Variants in ITGA3 observed in about 807,000 individuals in gnomAD.
ITGA3 encodes integrin alpha-3.
ITGA3 carries 70 observed loss-of-function variants against 131.1 expected under a neutral mutation model. That is an observed-to-expected ratio of 0.53 (90% confidence interval 0.44 to 0.65). The LOEUF (loss-of-function observed/expected upper bound fraction) is 0.65. Ranked by LOEUF, ITGA3 falls within the 30% of genes least tolerant of loss-of-function variation. The pLI, the probability that ITGA3 is intolerant of heterozygous loss-of-function variation, is 0.00. For missense variants in ITGA3, 1,098 were observed against 1,388.6 expected (o/e 0.79, Z 3.33); for synonymous variants, 537 against 571.6 (o/e 0.94, Z 0.86).
chr17:50,073,913 C>T lies in ITGA3; in HGVS notation c.1157-3C>T, dbSNP rs778115417. 6.2e-7 allele frequency: 1 copy of T among 1,613,306 alleles called. No individual in the cohort carries two copies. The highest frequency in any genetic ancestry group is 1.7e-5 in the Admixed American group (1 of 60,020). ...TGACCCTGTCTTGCCTTTTCTTCTGCAGATATTGCTGTGGGAGCTCCGTTT... is the reference window on the plus strand; with the variant it reads ...TGACCCTGTCTTGCCTTTTCTTCTGTAGATATTGCTGTGGGAGCTCCGTTT... On this transcript the variant is annotated splice_region_variant and splice_polypyrimidine_tract_variant and intron_variant, in intron 7 of 25. Coordinates refer to ENST00000320031, the MANE Select transcript of ITGA3 (RefSeq NM_002204.4).
Position 50,064,779 on chromosome 17 carries a change from AG to A in ITGA3, c.414+177del. ...TCCCTCGCTCTCTGCACTCCTGGGG[AG>A]GGGGTGAGTATCCTGTGCTCTCCCA... On this transcript the variant is annotated intron_variant, in intron 3 of 25. Transcript: ENST00000320031. This position sits in a 1 kb window ranked among gnomAD's most constrained non-coding sequence, Gnocchi z 4.4. 1.7e-6 allele frequency: 1 copy of A among 580,048 alleles called. No homozygotes were observed. Among genetic ancestry groups the A allele is most frequent in the Non-Finnish European group, 3.0e-6 (1 of 329,532 alleles). 35.9% of individuals were successfully genotyped at this position (580,048 alleles called of 1,614,324 possible).
At chr17:50,071,667 C>A (rs892666228) in intron 6 of ITGA3, 149 bp downstream of exon 6, 11 of 722,598 alleles carry the variant, frequency 1.5e-5, no homozygotes, top group Non-Finnish European at 2.5e-5. Context: ...TTATGGGAGT[C>A]TGAGCACCTG....
rs117636029 is a variant in ITGA3, at chr17:50,090,374, G to A, written c.*1296G>A. 353 of 388,050 alleles carry A rather than the reference G, an allele frequency of 9.1e-4. 1 individual carries two copies. The highest frequency in any genetic ancestry group is 1.4e-3 in the Non-Finnish European group (253 of 185,624). 24.0% of individuals were successfully genotyped at this position (388,050 alleles called of 1,614,324 possible). On this transcript the variant is annotated 3_prime_UTR_variant, in exon 26 of 26. Transcript: ENST00000320031. ...TGCCTGTTGGCAGGCCCACTCCCCA[G>A]CCCCAGCCCCTTCCATGGTACTGTA... is the stretch of plus-strand genomic sequence containing the variant.
intron 3 of ITGA3, 131 bp from the exon 4 acceptor site, chr17:50,067,925 T>C: frequency 8.2e-7 from 1 of 1,215,070 alleles, no homozygotes; most frequent in Non-Finnish European, 1.2e-6. Context: ...TAAGTATCAC[T>C]GGGAGAAGGA....
chr17:50,081,206 GATGCTACT>G, intron 22 of ITGA3, 96 bp from the exon 23 acceptor site: 1 of 684,034 alleles, frequency 1.5e-6, no homozygotes, highest in East Asian at 2.8e-5. Flanking sequence ...GCTGTTTAAG[GATGCTACT>G]TGGTGGGAGG....
Position 50,064,562 on chromosome 17 carries a change from G to A in ITGA3, c.369G>A (p.Trp123Ter). The A allele has an allele frequency of 6.2e-7, 1 of 1,613,206 alleles. No individual in the cohort carries two copies. Among genetic ancestry groups the A allele is most frequent in the Non-Finnish European group, 8.5e-7 (1 of 1,179,840 alleles). Residue 123 changes from tryptophan (W) to a stop codon, truncating the protein, a stop_gained, in exon 3 of 26, where the codon TGG (tryptophan) becomes TGA (stop). Coordinates refer to ENST00000320031, the MANE Select transcript of ITGA3 (RefSeq NM_002204.4). LOFTEE classifies it high-confidence loss of function. This position sits in a 1 kb window ranked among gnomAD's most constrained non-coding sequence, Gnocchi z 4.4. ...DPGHHIIEDM[W>*]LGVTVASQGP... The stretch of plus-strand genomic sequence containing the variant: ...GCCATCACATTATTGAGGACATGTG[G>A]CTTGGAGTGACTGTGGCCAGCCAGG...
In ITGA3 at chr17:50,064,338, G is replaced by C; in HGVS notation, c.334+134G>C. The C allele has an allele frequency of 7.9e-7, 1 of 1,266,076 alleles. No homozygotes were observed. 78.4% of individuals were successfully genotyped at this position (1,266,076 alleles called of 1,614,324 possible). On this transcript the variant is annotated intron_variant, in intron 2 of 25. Transcript: ENST00000320031. This position sits in a 1 kb window ranked among gnomAD's most constrained non-coding sequence, Gnocchi z 4.4. ...CGCTTCTTGTCCAGCTGGGAAGAGG[G>C]TGCCCTAGAGGAGAGTGGGGCTGGA...
At chr17:50,085,382 C>T (rs1374734114) in intron 23 of ITGA3, among the ~76,000 whole-genome samples, 1 of 149,786 alleles carries the variant, frequency 6.7e-6, no homozygotes, top group African/African-American at 2.5e-5. Flanking sequence ...TACTGGGAAC[C>T]AGCTGGGCAT....
At position 50,077,050 on chromosome 17, in the gene ITGA3, G is replaced by A; in HGVS notation, c.1999G>A (p.Gly667Arg). 1.2e-6 allele frequency: 2 copies of A among 1,606,960 alleles called. No individual in the cohort carries two copies. The highest frequency in any genetic ancestry group is 1.7e-6 in the Non-Finnish European group (2 of 1,176,360). ...GAACACCCGGACCTCGGAGCGCTCC[G>A]GGGAGGACGCCCACGAGGCGCTGCT... ...VTNTRTSERS[G>R]EDAHEALLTL... is the part of the protein sequence containing the mutation. Residue 667 changes from glycine (G) to arginine (R), a missense_variant, in exon 15 of 26, where the codon GGG becomes AGG. Transcript: ENST00000320031.
intron 10 of ITGA3, 81 bp downstream of exon 10, chr17:50,074,615 G>C: frequency 1.1e-6 from 1 of 935,702 alleles, no homozygotes; most frequent in Non-Finnish European, 1.7e-6. Flanking sequence ...CCCTCCCCTG[G>C]CCTCCTGACA....
rs1265090857 is a variant in ITGA3, at chr17:50,076,416, C to T, written c.1765C>T (p.Arg589Trp). The T allele has an allele frequency of 3.7e-6, 6 of 1,612,100 alleles. No individual in the cohort carries two copies. Among genetic ancestry groups the T allele is most frequent in the Middle Eastern group, 1.6e-4 (1 of 6,062 alleles). The stretch of plus-strand genomic sequence containing the variant: ...GCCCGATCGCCCCCGGCTGGGGCTG[C>T]GGTCCCTGGACGCCTACCCGATCCT... ...RMPDRPRLGL[R>W]SLDAYPILNQ... The change falls in exon 13 of 26, where the codon CGG becomes TGG. Residue 589 changes from arginine (R) to tryptophan (W), a missense_variant. Physicochemically the swap from Arg to Trp is moderately radical, Grantham distance 101. This residue lies in a region of ITGA3 where 699 missense variants were observed against 829.2 expected (regional missense o/e 0.84). Coordinates refer to ENST00000320031, the MANE Select transcript of ITGA3 (RefSeq NM_002204.4).
At chr17:50,079,413 A>G (rs767985062) in intron 20 of ITGA3, 22 bp from the exon 21 acceptor site, 1 of 1,549,236 alleles carries the variant, frequency 6.5e-7, no homozygotes, top group Non-Finnish European at 8.7e-7. Context: ...CCCTGCCAGC[A>G]AATCTCCTAT....
At chr17:50,067,356 C>G (rs757495087) in intron 3 of ITGA3, among the ~76,000 whole-genome samples, 25 of 152,320 alleles carry the variant, frequency 1.6e-4, no homozygotes, top group Admixed American at 5.2e-4. Context: ...CTAAAGTGCA[C>G]CCAGAGAGGC....
intron 23 of ITGA3, among the ~76,000 whole-genome samples, chr17:50,082,145 G>T (rs1351457762): frequency 3.3e-5 from 5 of 151,150 alleles, no homozygotes; most frequent in Non-Finnish European, 7.4e-5. Context: ...GTACCACGAT[G>T]CCCAGCTAAT....
At position 50,079,215 on chromosome 17, in the gene ITGA3, G is replaced by A. The variant is rs1207457594; in HGVS notation, c.2540G>A (p.Arg847Gln). ...TVHGNGSWPC[R>Q]PPGDLINPLN... Reference sequence around the variant, plus strand: ...CATGGCAATGGGTCCTGGCCCTGCCGACCACCTGGAGACCTTATCAACCCT... The same window carrying A: ...CATGGCAATGGGTCCTGGCCCTGCCAACCACCTGGAGACCTTATCAACCCT... The change falls in exon 20 of 26, where the codon CGA becomes CAA. Residue 847 changes from arginine (R) to glutamine (Q), a missense_variant. Arg to Gln is a conservative substitution (Grantham distance 43). Coordinates refer to ENST00000320031, the MANE Select transcript of ITGA3 (RefSeq NM_002204.4). The A allele has an allele frequency of 2.5e-6, 4 of 1,613,828 alleles. No individual in the cohort carries two copies. The highest frequency in any genetic ancestry group is 1.6e-4 in the Middle Eastern group (1 of 6,084).
intron 7 of ITGA3, 42 bp downstream of exon 7, chr17:50,072,224 C>G (rs775258042): frequency 6.5e-7 from 1 of 1,544,084 alleles, no homozygotes. Flanking sequence ...TCCTCCAGCA[C>G]CCCTCCTCCC....
At position 50,077,060 on chromosome 17, in the gene ITGA3, C is replaced by T. The variant is rs1415121833; in HGVS notation, c.2009C>T (p.Ala670Val). 6.2e-7 allele frequency: 1 copy of T among 1,602,726 alleles called. No individual in the cohort carries two copies. The highest frequency in any genetic ancestry group is 1.3e-5 in the African/African-American group (1 of 74,706). Residue 670 changes from alanine to valine, a missense_variant, in exon 15 of 26, where the codon GCC becomes GTC. Coordinates refer to ENST00000320031, the MANE Select transcript of ITGA3 (RefSeq NM_002204.4). The stretch of plus-strand genomic sequence containing the variant: ...ACCTCGGAGCGCTCCGGGGAGGACG[C>T]CCACGAGGCGCTGCTCACCCTGGTG... ...TRTSERSGED[A>V]HEALLTLVVP...
At chr17:50,076,874 G>A in intron 14 of ITGA3, 100 bp from the exon 15 acceptor site, 1 of 1,391,450 alleles carries the variant, frequency 7.2e-7, no homozygotes, top group South Asian at 1.3e-5. Context: ...GTCCCAAGAT[G>A]GGCTTTTCTC....
intron 3 of ITGA3, among the ~76,000 whole-genome samples, chr17:50,067,683 CTT>C (rs1908402850): frequency 6.6e-6 from 1 of 152,126 alleles, no homozygotes; most frequent in Non-Finnish European, 1.5e-5. Flanking sequence ...AATAATGGTC[CTT>C]TCATTAAGAG....
Sources: gnomAD v4.1 joint callset for allele counts (sites outside exome capture counted in the v4.1 genomes callset) on GRCh38, gnomAD v4.1.1 for gene constraint, gnomAD v4.1.1 regional missense constraint, Gnocchi (gnomAD v3.1) non-coding constraint, MANE v1.5 for transcripts, NCBI Gene and HGNC (gene_info 2026-07-23, HGNC 2026-07-21) for gene names.